The following MAST3 variants were observed in gnomAD, a reference collection of about 807,000 sequenced individuals.
MAST3 encodes microtubule-associated serine/threonine-protein kinase 3.
Under a neutral mutation model 127.0 loss-of-function variants are expected in MAST3, and 43 were observed. The ratio of observed to expected loss-of-function variants is 0.34; its 90% CI spans 0.27 to 0.44. The LOEUF is 0.44. MAST3 is among the 20% of genes least tolerant of loss of function. MAST3 has a pLI of 1.00. For synonymous variants in MAST3, 785 were observed against 809.2 expected, an observed-to-expected ratio of 0.97 and a Z score of 0.51; for missense variants, 1,390 against 1,919.1, an observed-to-expected ratio of 0.72 and a Z score of 5.15.
chr19:18,106,759 T>C (rs1460801733), intron 1 of MAST3, among the ~76,000 whole-genome samples: 12 of 149,448 alleles, frequency 8.0e-5, no homozygotes, highest in East Asian at 4.0e-4. Flanking sequence ...TTAGTAGAGA[T>C]GGGGTTTCAC....
At chr19:18,135,994 A>T (rs1333516412) in intron 18 of MAST3, among the ~76,000 whole-genome samples, 153 bp downstream of exon 18, 1 of 152,162 alleles carries the variant, frequency 6.6e-6, no homozygotes, top group Non-Finnish European at 1.5e-5. Context: ...GATGCACAGG[A>T]GTTCTCCAGG....
rs756555839 is a variant in MAST3, at chr19:18,143,971, G to T, written c.2548G>T (p.Ala850Ser). Residue 850 changes from alanine to serine, a missense_variant, in exon 22 of 28, where the codon GCC becomes TCC. Physicochemically the swap from Ala to Ser is moderately conservative, Grantham distance 99. Coordinates refer to ENST00000687212, the MANE Select transcript of MAST3 (RefSeq NM_001393504.1). ...AGGGGAGCCTGACCCCCCACCAGCG[G>T]CCACCCCAGTGATGCCCAAGCCCTC... ...ILGEPDPPPA[A>S]TPVMPKPSSL... 3.3e-5 allele frequency: 53 copies of T among 1,590,900 alleles called. No homozygotes were observed. The highest frequency in any genetic ancestry group is 3.6e-5 in the Non-Finnish European group (42 of 1,168,816).
chr19:18,124,562 C>A, intron 10 of MAST3, 80 bp from the exon 11 acceptor site: 1 of 1,491,748 alleles, frequency 6.7e-7, no homozygotes, highest in Non-Finnish European at 9.0e-7. Flanking sequence ...GGGAAGGGTG[C>A]TCCAGGCAGA....
At chr19:18,127,032 T>A (rs572695245) in intron 11 of MAST3, among the ~76,000 whole-genome samples, 1 of 151,578 alleles carries the variant, frequency 6.6e-6, no homozygotes, top group Admixed American at 6.6e-5. Context: ...CGCCCGCCTC[T>A]GCCTCCCAAA....
chr19:18,120,731 T>C (rs899977544), intron 3 of MAST3, among the ~76,000 whole-genome samples: 2 of 152,034 alleles, frequency 1.3e-5, no homozygotes, highest in Non-Finnish European at 2.9e-5. Flanking sequence ...TGTTTTGTTT[T>C]GTTTTGTTTT....
intron 11 of MAST3, among the ~76,000 whole-genome samples, chr19:18,126,592 T>C (rs1055833210): frequency 6.6e-6 from 1 of 152,050 alleles, no homozygotes; most frequent in African/African-American, 2.4e-5. Context: ...GGCAACATAC[T>C]GAGATCTCGT....
At chr19:18,142,307 A>G (rs1315307227) in intron 21 of MAST3, among the ~76,000 whole-genome samples, 1 of 151,434 alleles carries the variant, frequency 6.6e-6, no homozygotes, top group Non-Finnish European at 1.5e-5. Flanking sequence ...CCCAACAGAA[A>G]CAGTCAATGT....
chr19:18,128,859 C>T lies in MAST3; in HGVS notation c.1138-7C>T. On this transcript the variant is annotated splice_polypyrimidine_tract_variant and splice_region_variant and intron_variant, in intron 12 of 27. Coordinates refer to ENST00000687212, the MANE Select transcript of MAST3 (RefSeq NM_001393504.1). ...GGGCAGGACCCTAAGCCCTTCCCAT[C>T]CCCTAGAGCCGCGCCCTGGTCGGCC... 6.2e-7 allele frequency: 1 copy of T among 1,611,942 alleles called. No homozygotes were observed. The highest frequency in any genetic ancestry group is 8.5e-7 in the Non-Finnish European group (1 of 1,179,220).
At chr19:18,106,966 A>ATTTTTTTTTTTT (rs60298417) in intron 1 of MAST3, among the ~76,000 whole-genome samples, 2 of 73,920 alleles carry the variant, frequency 2.7e-5, no homozygotes, top group African/African-American at 6.3e-5. Flanking sequence ...ATGCCCAGCA[A>ATTTTTTTTTTTT]TTTTTTTTTT....
At chr19:18,111,530 C>CT (rs576984210) in intron 3 of MAST3, among the ~76,000 whole-genome samples, 3,128 of 103,096 alleles carry the variant, frequency 0.03, 187 homozygotes, top group African/African-American at 0.048. Flanking sequence ...TTTCCACAGA[C>CT]TTTTTTTTTT....
intron 20 of MAST3, among the ~76,000 whole-genome samples, chr19:18,141,377 C>CTTTCTTTTTT (rs60206673): frequency 8.1e-6 from 1 of 122,770 alleles, no homozygotes; most frequent in Non-Finnish European, 1.6e-5. Flanking sequence ...AGCCAGCTTT[C>CTTTCTTTTTT]TTTTTTTTTT....
Position 18,110,136 on chromosome 19 carries a change from C to T in MAST3, c.72-516C>T, listed in dbSNP as rs1377826889. Reference sequence around the variant, plus strand: ...CAGGTGCGGAGCTGCGATCCCCGCCCCGAGGCGGAGCCAGCCCGGCCCCCA... The same window carrying T: ...CAGGTGCGGAGCTGCGATCCCCGCCTCGAGGCGGAGCCAGCCCGGCCCCCA... On this transcript the variant is annotated intron_variant, in intron 2 of 27. Transcript: ENST00000687212. This position sits in a 1 kb window ranked among gnomAD's most constrained non-coding sequence, Gnocchi z 4.3. 4.1e-6 allele frequency: 4 copies of T among 985,274 alleles called. No individual in the cohort carries two copies. Among genetic ancestry groups the T allele is most frequent in the Non-Finnish European group, 4.8e-6 (4 of 829,944 alleles). The allele number at this position is 985,274 out of a possible 1,614,324, so 61.0% of individuals were successfully genotyped here.
At position 18,123,243 on chromosome 19, in the gene MAST3, C is replaced by A. The variant is rs773031745; in HGVS notation, c.426C>A (p.Leu142=). 5 of 1,613,794 alleles carry A rather than the reference C, an allele frequency of 3.1e-6. No individual in the cohort carries two copies. Among genetic ancestry groups the A allele is most frequent in the Admixed American group, 3.3e-5 (2 of 59,998 alleles). Residue 142 remains leucine (L), a synonymous_variant, in exon 7 of 28, where the codon CTC becomes CTA. Transcript: ENST00000687212. The part of the protein sequence containing the change: ...LSSSSSSRER[L]HQLPFQPTPD... ...CAAGCTCATCCTCCCGGGAACGTCT[C>A]CACCAGCTTCCCTTCCAGCCGACGC...
At chr19:18,100,128 C>CTCCTTTTTTTTTTTTTTTTTT (rs776661078) in intron 1 of MAST3, among the ~76,000 whole-genome samples, 1 of 121,720 alleles carries the variant, frequency 8.2e-6, no homozygotes, top group Non-Finnish European at 1.8e-5. Flanking sequence ...CTCTCTCTCT[C>CTCCTTTTTTTTTTTTTTTTTT]TTTTTTTTTT....
In MAST3 at chr19:18,144,616, G is replaced by T. The variant is rs1480456428; in HGVS notation, c.2735G>T (p.Gly912Val). The T allele has an allele frequency of 6.2e-7, 1 of 1,611,680 alleles. No homozygotes were observed. The highest frequency in any genetic ancestry group is 1.7e-5 in the Admixed American group (1 of 59,994). Reference protein sequence around the residue: ...APEKSRASSSGGSGGGSGGRV... With the variant: ...APEKSRASSSVGSGGGSGGRV... ...GAGAAGTCCAGAGCCTCCTCCAGCG[G>T]TGGCAGTGGTGGCGGCAGTGGGGGC... The change falls in exon 23 of 28, where the codon GGT becomes GTT. Residue 912 changes from glycine (G) to valine (V), a missense_variant. Gly to Val is a moderately radical substitution (Grantham distance 109). Around this residue, in one of 5 missense-constraint regions of MAST3, gnomAD observed 816 missense variants for 934.1 expected, o/e 0.87. Transcript: ENST00000687212. The surrounding 1 kb of genome is among the most constrained non-coding windows in gnomAD (Gnocchi z 4.0).
At position 18,124,877 on chromosome 19, in the gene MAST3, G is replaced by A. The variant is rs567511060; in HGVS notation, c.1078+103G>A. On this transcript the variant is annotated intron_variant, in intron 11 of 27. Transcript: ENST00000687212. The stretch of plus-strand genomic sequence containing the variant: ...TACCAGCACTTTGGGAAGCTAAGGC[G>A]GGCAGATCACTTGAGGCCAGGAGTT... The A allele has an allele frequency of 1.3e-3, 1,894 of 1,417,052 alleles. 1 individual carries two copies. Among genetic ancestry groups the A allele is most frequent in the Middle Eastern group, 2.5e-3 (10 of 4,052 alleles). The allele number at this position is 1,417,052 out of a possible 1,614,324, so 87.8% of individuals were successfully genotyped here.
At position 18,144,780 on chromosome 19, in the gene MAST3, G is replaced by A; in HGVS notation, c.2812+87G>A. 2 of 1,422,354 alleles carry A rather than the reference G, an allele frequency of 1.4e-6. No homozygotes were observed. Among genetic ancestry groups the A allele is most frequent in the Non-Finnish European group, 9.8e-7 (1 of 1,023,712 alleles). 88.1% of individuals were successfully genotyped at this position (1,422,354 alleles called of 1,614,324 possible). A position where few individuals can be genotyped will look rare whatever the true frequency, so the allele number is the denominator to read the frequency against. ...GGCCCTTCCTGAGTTGGGGAGGCTG[G>A]GGATGAGCCCCAGAAGAGGGGAGGA... On this transcript the variant is annotated intron_variant, in intron 23 of 27. Coordinates refer to ENST00000687212, the MANE Select transcript of MAST3 (RefSeq NM_001393504.1). This position sits in a 1 kb window ranked among gnomAD's most constrained non-coding sequence, Gnocchi z 4.0.
At position 18,121,733 on chromosome 19, in the gene MAST3, G is replaced by C; in HGVS notation, c.210G>C (p.Pro70=). ...GCTTGGTGGTAGGAACGCCCTCCCC[G>C]ACCCTCTCCCGGCCCCTGTCGCCAT... ...RKSLVVGTPS[P]TLSRPLSPLS... The change falls in exon 4 of 28, where the codon CCG becomes CCC. Residue 70 remains proline, a synonymous_variant. Transcript: ENST00000687212. 2 of 1,613,998 alleles carry C rather than the reference G, an allele frequency of 1.2e-6. No individual in the cohort carries two copies. The highest frequency in any genetic ancestry group is 1.7e-6 in the Non-Finnish European group (2 of 1,179,894).
At chr19:18,114,635 G>T (rs2039014189) in intron 3 of MAST3, among the ~76,000 whole-genome samples, 1 of 152,176 alleles carries the variant, frequency 6.6e-6, no homozygotes, top group South Asian at 2.1e-4. Flanking sequence ...TATACAGCAG[G>T]TGCTCAGTTA....
Sources: gnomAD v4.1 joint callset for allele counts (sites outside exome capture counted in the v4.1 genomes callset) on GRCh38, gnomAD v4.1.1 for gene constraint, gnomAD v4.1.1 regional missense constraint, Gnocchi (gnomAD v3.1) non-coding constraint, MANE v1.5 for transcripts, NCBI Gene and HGNC (gene_info 2026-07-23, HGNC 2026-07-21) for gene names.